Variants in TFEC observed in about 807,000 individuals in gnomAD.
TFEC encodes class E basic helix-loop-helix protein 34.
A neutral mutation model predicts 41.6 loss-of-function variants in TFEC; 31 were observed. The observed-to-expected ratio is 0.74, with a 90% CI of 0.56 to 1.01. TFEC has a LOEUF of 1.01. Ranked by LOEUF, TFEC falls within the 50% of genes least tolerant of loss-of-function variation. The pLI, the probability that TFEC is intolerant of heterozygous loss-of-function variation, is 0.00. For synonymous variants in TFEC, 143 were observed against 140.6 expected, an observed-to-expected ratio of 1.02 and a Z score of -0.12; for missense variants, 402 against 404.1, an observed-to-expected ratio of 0.99 and a Z score of 0.04.
intron 6 of TFEC, among the ~76,000 whole-genome samples, chr7:115,947,475 G>A (rs1791658062): frequency 6.6e-6 from 1 of 151,436 alleles, no homozygotes; most frequent in Non-Finnish European, 1.5e-5. Flanking sequence ...TCTAGTTCTA[G>A]ATCCCTAAGG....
rs74389253 is a variant in TFEC at position 115,973,859 on chromosome 7, T to C, written c.267+311A>G. Among the ~76,000 whole-genome samples, 873 of 152,172 alleles carry C rather than the reference T, an allele frequency of 5.7e-3. 5 individuals are homozygous for C. The highest frequency in any genetic ancestry group is 9.6e-3 in the Admixed American group (146 of 15,250). On this transcript the variant is annotated intron_variant, in intron 3 of 7. Coordinates refer to ENST00000265440, the MANE Select transcript of TFEC (RefSeq NM_012252.4). ...GACCTTTTAAGAGTGTTTGATTACT[T>C]GCTGTGCTTAAAATAGAAAATCTAA...
chr7:115,965,468 A>T (rs1264766888), intron 3 of TFEC, among the ~76,000 whole-genome samples: 1 of 151,658 alleles, frequency 6.6e-6, no homozygotes, highest in Non-Finnish European at 1.5e-5. Context: ...TACTGTTAGG[A>T]TAAGGAATCG....
chr7:116,085,498 T>C (rs1406470580), intron 3 of TFEC, among the ~76,000 whole-genome samples: 4 of 151,936 alleles, frequency 2.6e-5, no homozygotes, highest in Non-Finnish European at 4.4e-5. Flanking sequence ...AAATGGATTG[T>C]ATTTGTTAAT....
intron 1 of TFEC, among the ~76,000 whole-genome samples, chr7:115,995,539 C>T (rs193296680): frequency 1.4e-4 from 22 of 152,048 alleles, no homozygotes; most frequent in East Asian, 1.2e-3. Context: ...GGAAGATGGC[C>T]GAATAGAAAC....
intron 1 of TFEC, among the ~76,000 whole-genome samples, chr7:116,135,821 T>A (rs1229107547): frequency 6.6e-6 from 1 of 152,138 alleles, no homozygotes; most frequent in Non-Finnish European, 1.5e-5. Context: ...AGATATAGTA[T>A]GAGGAGAATT....
chr7:116,062,008 T>A (rs1796568758), intron 3 of TFEC, among the ~76,000 whole-genome samples: 1 of 151,448 alleles, frequency 6.6e-6, no homozygotes, highest in Admixed American at 6.6e-5. Context: ...TTTTTTTTTT[T>A]AATCCCTCAC....
At chr7:115,952,736 T>A (rs970564832) in intron 5 of TFEC, among the ~76,000 whole-genome samples, 2 of 152,100 alleles carry the variant, frequency 1.3e-5, no homozygotes, top group African/African-American at 4.8e-5. Flanking sequence ...AACTACTTCA[T>A]GTCATGGTGG....
In TFEC at chr7:116,112,047, A is replaced by C. The variant is rs1402557965; in HGVS notation, c.-68-9T>G. 16 of 963,888 alleles carry C rather than the reference A, an allele frequency of 1.7e-5. No homozygotes were observed. In the Admixed American group the frequency reaches 9.9e-4, roughly 60 times the overall value. The allele number at this position is 963,888 out of a possible 1,614,324, so 59.7% of individuals were successfully genotyped here. On this transcript the variant is annotated splice_polypyrimidine_tract_variant and intron_variant, in intron 1 of 8. Coordinates refer to the TFEC transcript ENST00000484212. ...AAATCATTGATAGGACTCTGAAAAGAAAAAAAAAGAGAGAAGTTACTGTTT... is the reference window on the plus strand; with the variant it reads ...AAATCATTGATAGGACTCTGAAAAGCAAAAAAAAGAGAGAAGTTACTGTTT...
chr7:115,996,234 G>A (rs1794361981), intron 1 of TFEC, among the ~76,000 whole-genome samples: 1 of 151,954 alleles, frequency 6.6e-6, no homozygotes, highest in African/African-American at 2.4e-5. Context: ...CTTGCAACAT[G>A]GGTACCAGCT....
chr7:115,960,967 G>A (rs1448017191), intron 3 of TFEC, among the ~76,000 whole-genome samples: 1 of 151,614 alleles, frequency 6.6e-6, no homozygotes, highest in African/African-American at 2.4e-5. Flanking sequence ...ACAAGCATGT[G>A]TGCTCCTAAT....
At chr7:116,035,559 G>A (rs552976435), upstream of TFEC, among the ~76,000 whole-genome samples, 1 of 151,538 alleles carries the variant, frequency 6.6e-6, no homozygotes, top group Non-Finnish European at 1.5e-5. Context: ...TTACCAAGAA[G>A]AATAAATGAA....
chr7:115,993,279 C>T (rs949918862), intron 1 of TFEC, among the ~76,000 whole-genome samples: 10 of 152,158 alleles, frequency 6.6e-5, no homozygotes, highest in African/African-American at 2.4e-4. Flanking sequence ...TAGAAGCATT[C>T]CCTTTGAAAA....
At chr7:116,033,555 A>G (rs1020458249), upstream of TFEC, among the ~76,000 whole-genome samples, 16 of 151,888 alleles carry the variant, frequency 1.1e-4, no homozygotes, top group African/African-American at 3.9e-4. Flanking sequence ...TCCATCCTCC[A>G]TGTCTATCCA....
intron 1 of TFEC, among the ~76,000 whole-genome samples, chr7:116,132,443 A>G (rs1371355800): frequency 6.6e-6 from 1 of 152,228 alleles, no homozygotes; most frequent in Non-Finnish European, 1.5e-5. Flanking sequence ...TCAGCTAAGT[A>G]TAACTCTCGA....
chr7:115,983,927 A>C (rs1434434515), intron 2 of TFEC, among the ~76,000 whole-genome samples: 1 of 152,176 alleles, frequency 6.6e-6, no homozygotes, highest in Admixed American at 6.5e-5. Flanking sequence ...TGGATATTTA[A>C]GACAATTTAA....
chr7:116,005,652 A>C (rs546186118), intron 1 of TFEC, among the ~76,000 whole-genome samples: 1 of 152,344 alleles, frequency 6.6e-6, no homozygotes, highest in Non-Finnish European at 1.5e-5. Context: ...ACAATGCAAT[A>C]GAAAAGTAAA....
chr7:116,001,074 T>C (rs1794575681), intron 1 of TFEC, among the ~76,000 whole-genome samples: 2 of 152,076 alleles, frequency 1.3e-5, no homozygotes, highest in Admixed American at 6.5e-5. Flanking sequence ...TTCAGAGCTA[T>C]AGTAACAAAA....
chr7:116,132,531 A>T (rs1269773513), intron 1 of TFEC, among the ~76,000 whole-genome samples: 1 of 152,222 alleles, frequency 6.6e-6, no homozygotes, highest in African/African-American at 2.4e-5. Flanking sequence ...TCCTAAGTAA[A>T]GTTGGCATTG....
intron 3 of TFEC, among the ~76,000 whole-genome samples, chr7:115,966,929 T>G (rs919924118): frequency 2.0e-5 from 3 of 151,798 alleles, no homozygotes; most frequent in Non-Finnish European, 4.4e-5. Context: ...CTAACAAACT[T>G]GCAATACATT....
Sources: gnomAD v4.1 joint callset for allele counts (sites outside exome capture counted in the v4.1 genomes callset) on GRCh38, gnomAD v4.1.1 for gene constraint, MANE v1.5 for transcripts, NCBI Gene and HGNC (gene_info 2026-07-23, HGNC 2026-07-21) for gene names.